ELMOD2: variants seen among roughly 807,000 people sequenced by gnomAD.
The protein encoded by ELMOD2 is ELMO domain containing 2.
A neutral mutation model predicts 41.0 loss-of-function variants in ELMOD2; 28 were observed. That is an observed-to-expected ratio of 0.68 (90% confidence interval 0.51 to 0.94). ELMOD2 has a LOEUF of 0.94. Among genes scored for constraint, ELMOD2 ranks in the 40% least tolerant of loss-of-function variants. ELMOD2 has a pLI of 0.00. For missense variants in ELMOD2, 333 were observed against 343.1 expected, an observed-to-expected ratio of 0.97 and a Z score of 0.23; for synonymous variants, 106 against 107.2, an observed-to-expected ratio of 0.99 and a Z score of 0.07.
At chr4:140,548,216 A>G (rs1735354111) in intron 8 of ELMOD2, among the ~76,000 whole-genome samples, 1 of 152,178 alleles carries the variant, frequency 6.6e-6, no homozygotes, top group Non-Finnish European at 1.5e-5. Flanking sequence ...TATCTAAAAC[A>G]TAATAACCAG....
intron 8 of ELMOD2, among the ~76,000 whole-genome samples, chr4:140,545,632 G>A (rs1008034373): frequency 6.6e-6 from 1 of 152,132 alleles, no homozygotes; most frequent in African/African-American, 2.4e-5. Context: ...TTCTACCCAA[G>A]TGTACTGAAG....
intron 3 of ELMOD2, among the ~76,000 whole-genome samples, chr4:140,531,616 T>C (rs1450327346): frequency 6.6e-6 from 1 of 152,254 alleles, no homozygotes; most frequent in African/African-American, 2.4e-5. Context: ...AGTTGAATAA[T>C]AAATACATTT....
chr4:140,548,811 C>T (rs961594853), intron 8 of ELMOD2, among the ~76,000 whole-genome samples: 1 of 152,254 alleles, frequency 6.6e-6, no homozygotes. Flanking sequence ...CATTTGATTA[C>T]ATACAAAGTA....
chr4:140,528,112 C>T (rs1162319257), intron 3 of ELMOD2, among the ~76,000 whole-genome samples: 7 of 152,142 alleles, frequency 4.6e-5, no homozygotes, highest in African/African-American at 1.7e-4. Flanking sequence ...AAAGGCCCAA[C>T]TACACAAATA....
intron 3 of ELMOD2, chr4:140,527,748 G>T: frequency 2.5e-6 from 1 of 394,254 alleles, no homozygotes; most frequent in Non-Finnish European, 4.5e-6. Context: ...AGAGTTGATA[G>T]CTTTTAGGAA....
At chr4:140,540,391 A>G (rs1735068522) in intron 6 of ELMOD2, 90 bp downstream of exon 6, 3 of 1,473,278 alleles carry the variant, frequency 2.0e-6, no homozygotes, top group African/African-American at 2.8e-5. Context: ...GATCTAGTTG[A>G]TTCATACTAT....
chr4:140,527,356 G>C (rs1370314595), intron 2 of ELMOD2, 110 bp from the exon 3 acceptor site: 1 of 833,628 alleles, frequency 1.2e-6, no homozygotes, highest in Non-Finnish European at 2.0e-6. Context: ...TATATCTCCT[G>C]GAACTATTAG....
At chr4:140,541,890 A>G (rs552806941) in intron 6 of ELMOD2, among the ~76,000 whole-genome samples, 1 of 152,236 alleles carries the variant, frequency 6.6e-6, no homozygotes, top group Non-Finnish European at 1.5e-5. Context: ...TTTGTCCTCT[A>G]AAATGTAAAT....
intron 2 of ELMOD2, among the ~76,000 whole-genome samples, chr4:140,526,988 A>G (rs1048938741): frequency 1.3e-5 from 2 of 152,210 alleles, no homozygotes; most frequent in Non-Finnish European, 2.9e-5. Context: ...TGGAGAAGCT[A>G]TTTGTCTGGT....
At chr4:140,535,264 A>C (rs556810745) in intron 3 of ELMOD2, among the ~76,000 whole-genome samples, 1 of 150,902 alleles carries the variant, frequency 6.6e-6, no homozygotes, top group African/African-American at 2.4e-5. Flanking sequence ...ACTGTTCTTC[A>C]GTATGCACAG....
chr4:140,550,409 T>G lies in ELMOD2; in HGVS notation c.*34T>G, dbSNP rs748298310. ...CTGTATCTTCTATTTCTACCACATT[T>G]TGCACATTCAACAGAATTTATATGT... On this transcript the variant is annotated 3_prime_UTR_variant, in exon 9 of 9. Coordinates refer to ENST00000323570, the MANE Select transcript of ELMOD2 (RefSeq NM_153702.4). 1 of 1,561,120 alleles carries G rather than the reference T, an allele frequency of 6.4e-7. No homozygotes were observed. Among genetic ancestry groups the G allele is most frequent in the Non-Finnish European group, 8.7e-7 (1 of 1,156,038 alleles).
At chr4:140,528,057 A>T (rs1734627520) in intron 3 of ELMOD2, 2 of 152,304 alleles carry the variant, frequency 1.3e-5, no homozygotes, top group South Asian at 4.1e-4. Flanking sequence ...GGACTCAGGT[A>T]GGGGGTTAAC....
chr4:140,541,829 A>G (rs1041104800), intron 6 of ELMOD2, among the ~76,000 whole-genome samples: 1 of 152,120 alleles, frequency 6.6e-6, no homozygotes, highest in Non-Finnish European at 1.5e-5. Context: ...AGAAGAATAA[A>G]GAGGGAAGAG....
At chr4:140,524,439 C>A in intron 1 of ELMOD2, 159 bp downstream of exon 1, 1 of 277,338 alleles carries the variant, frequency 3.6e-6, no homozygotes, top group Non-Finnish European at 5.5e-6. Context: ...GGGCGGCGCG[C>A]GAGGGGGGTC....
At chr4:140,549,232 G>T (rs1025864030) in intron 8 of ELMOD2, among the ~76,000 whole-genome samples, 1 of 152,082 alleles carries the variant, frequency 6.6e-6, no homozygotes, top group East Asian at 1.9e-4. Context: ...TTTAAAAATT[G>T]ACATATTAGC....
chr4:140,537,370 A>G, intron 4 of ELMOD2, 42 bp from the exon 5 acceptor site: 1 of 1,438,022 alleles, frequency 7.0e-7, no homozygotes, highest in Non-Finnish European at 9.1e-7. Context: ...CTTTATTGTG[A>G]TAAGAGGGTA....
rs1735428493 is a variant in ELMOD2, at chr4:140,550,224, C to T, written c.737-6C>T. On this transcript the variant is annotated splice_region_variant and splice_polypyrimidine_tract_variant and intron_variant, in intron 8 of 8. Coordinates refer to ENST00000323570, the MANE Select transcript of ELMOD2 (RefSeq NM_153702.4). ...GATTAAATGTTTTGTTTTTCTTTAA[C>T]TGCAGGTTATCTTGTCTATGAATTT... The T allele has an allele frequency of 6.2e-7, 1 of 1,604,536 alleles. No homozygotes were observed. Among genetic ancestry groups the T allele is most frequent in the African/African-American group, 1.3e-5 (1 of 74,582 alleles).
At chr4:140,524,854 T>C (rs1327221682) in intron 1 of ELMOD2, 1 of 157,200 alleles carries the variant, frequency 6.4e-6, no homozygotes, top group Admixed American at 6.5e-5. Flanking sequence ...CCTTGACCTA[T>C]TGAATGGAAA....
rs1318725790 is a variant in ELMOD2, at chr4:140,552,357, C to T, written c.*1982C>T. 6.6e-6 allele frequency: 1 copy of T among 151,954 alleles called. No homozygotes were observed. The highest frequency in any genetic ancestry group is 1.5e-5 in the Non-Finnish European group (1 of 67,920). 9.4% of individuals were successfully genotyped at this position (151,954 alleles called of 1,614,324 possible). A position where few individuals can be genotyped will look rare whatever the true frequency, so the allele number is the denominator to read the frequency against. The stretch of plus-strand genomic sequence containing the variant: ...TATAGAGCTTGCTCAATAATATGTT[C>T]TTTAAATCCACCTCCATTTGTACAT... On this transcript the variant is annotated 3_prime_UTR_variant, in exon 9 of 9. Transcript: ENST00000323570.
Sources: gnomAD v4.1 joint callset for allele counts (sites outside exome capture counted in the v4.1 genomes callset) on GRCh38, gnomAD v4.1.1 for gene constraint, MANE v1.5 for transcripts, NCBI Gene and HGNC (gene_info 2026-07-23, HGNC 2026-07-21) for gene names.